CORO1C: variants seen among roughly 807,000 people sequenced by gnomAD.
CORO1C encodes coronin-1C.
A neutral mutation model predicts 51.2 loss-of-function variants in CORO1C; 14 were observed. That is an observed-to-expected ratio of 0.27 (90% CI 0.18 to 0.43). CORO1C has a LOEUF of 0.43. CORO1C is among the 20% of genes least tolerant of loss of function. The pLI, the probability that CORO1C is intolerant of heterozygous loss-of-function variation, is 1.00. For missense variants in CORO1C, 417 were observed against 607.8 expected (o/e 0.69, Z 3.30); for synonymous variants, 181 against 210.5 (o/e 0.86, Z 1.21).
intron 2 of CORO1C, among the ~76,000 whole-genome samples, chr12:108,694,042 C>G (rs530264264): frequency 3.9e-5 from 6 of 152,186 alleles, no homozygotes; most frequent in Non-Finnish European, 5.9e-5. Context: ...CGCCTGTAAT[C>G]CCACTTTGGG....
chr12:108,663,753 T>A (rs997039908), intron 3 of CORO1C, among the ~76,000 whole-genome samples: 2 of 152,246 alleles, frequency 1.3e-5, no homozygotes, highest in African/African-American at 2.4e-5. Context: ...AAATTTTCTA[T>A]AATTGTCTGT....
intron 1 of CORO1C, among the ~76,000 whole-genome samples, chr12:108,724,025 A>G (rs749892542): frequency 5.9e-5 from 9 of 152,246 alleles, no homozygotes; most frequent in African/African-American, 1.2e-4. Flanking sequence ...AATCAAGTTT[A>G]CCAAAGGTTT....
At chr12:108,680,503 T>C (rs1030027051) in intron 2 of CORO1C, among the ~76,000 whole-genome samples, 1 of 152,190 alleles carries the variant, frequency 6.6e-6, no homozygotes, top group African/African-American at 2.4e-5. Context: ...GTATAAATGG[T>C]TGAGAACCAG....
chr12:108,704,246 G>A (rs1192916717), intron 1 of CORO1C, among the ~76,000 whole-genome samples: 1 of 152,176 alleles, frequency 6.6e-6, no homozygotes, highest in Non-Finnish European at 1.5e-5. Context: ...GGGAAGCTGA[G>A]ACGGATCACG....
intron 4 of CORO1C, among the ~76,000 whole-genome samples, chr12:108,660,173 C>T (rs1435347244): frequency 1.3e-5 from 2 of 152,126 alleles, no homozygotes; most frequent in Non-Finnish European, 2.9e-5. Context: ...GGAAACTGGC[C>T]GGGCACGGTG....
intron 6 of CORO1C, among the ~76,000 whole-genome samples, chr12:108,656,853 T>C (rs900220186): frequency 2.0e-5 from 3 of 152,174 alleles, no homozygotes; most frequent in Non-Finnish European, 4.4e-5. Flanking sequence ...GAAGGCAGCA[T>C]GCTCGTTAAG....
At chr12:108,666,963 G>A (rs750135) in intron 3 of CORO1C, among the ~76,000 whole-genome samples, 73,733 of 151,758 alleles carry the variant, frequency 0.49, 18,309 homozygotes, top group South Asian at 0.69. Context: ...TAACAAAACT[G>A]CCACTCTCTG....
rs547112186 is a variant in CORO1C at position 108,710,306 on chromosome 12, A to G, written c.-5-8983T>C. 2.0e-5 allele frequency among the ~76,000 whole-genome samples: 3 copies of G among 152,326 alleles called. No homozygotes were observed. The South Asian group carries it at 6.2e-4, about 32-fold the overall frequency. On this transcript the variant is annotated intron_variant, in intron 1 of 10. Coordinates refer to ENST00000261401, the MANE Select transcript of CORO1C (RefSeq NM_014325.4). ...GTTTTCCAGGTGATACTGAAGGCCA[A>G]AAAGGAGGATTACGGGCTGCTCTGC...
At chr12:108,661,666 C>T (rs1228266802) in intron 4 of CORO1C, among the ~76,000 whole-genome samples, 1 of 152,144 alleles carries the variant, frequency 6.6e-6, no homozygotes, top group African/African-American at 2.4e-5. Context: ...CTGGCAGCAA[C>T]ACCACAGAGG....
intron 6 of CORO1C, among the ~76,000 whole-genome samples, chr12:108,656,874 G>A (rs534120350): frequency 5.9e-5 from 9 of 152,018 alleles, no homozygotes; most frequent in South Asian, 2.1e-4. Flanking sequence ...AGTCATCACC[G>A]CTCCCTAATC....
intron 10 of CORO1C, 44 bp from the exon 11 acceptor site, chr12:108,647,566 CA>C: frequency 6.9e-7 from 1 of 1,449,788 alleles, no homozygotes; most frequent in Non-Finnish European, 9.6e-7. Context: ...ATGCAGTAAA[CA>C]AAGTTCAACA....
At chr12:108,705,014 T>C (rs2034987474) in intron 1 of CORO1C, among the ~76,000 whole-genome samples, 1 of 152,198 alleles carries the variant, frequency 6.6e-6, no homozygotes, top group South Asian at 2.1e-4. Flanking sequence ...GTACCTTGTA[T>C]GGTTAAATAC....
intron 2 of CORO1C, among the ~76,000 whole-genome samples, chr12:108,682,077 T>C (rs2034143462): frequency 6.6e-6 from 1 of 151,142 alleles, no homozygotes; most frequent in South Asian, 2.1e-4. Flanking sequence ...TGTACTACAA[T>C]AGCTAGAATT....
intron 2 of CORO1C, among the ~76,000 whole-genome samples, chr12:108,687,590 G>A (rs2034341180): frequency 6.6e-6 from 1 of 152,004 alleles, no homozygotes; most frequent in South Asian, 2.1e-4. Flanking sequence ...TTCGAGACCA[G>A]CCTGGCCAAC....
intron 4 of CORO1C, 80 bp downstream of exon 4, chr12:108,661,949 C>T: frequency 6.5e-7 from 1 of 1,546,348 alleles, no homozygotes; most frequent in Admixed American, 1.7e-5. Flanking sequence ...TAGCACACAA[C>T]CAAAACACAT....
At chr12:108,650,942 A>G (rs1791715373) in intron 8 of CORO1C, among the ~76,000 whole-genome samples, 1 of 152,092 alleles carries the variant, frequency 6.6e-6, no homozygotes, top group Admixed American at 6.5e-5. Flanking sequence ...AAAAAATCAC[A>G]TAGAGAGTTT....
At chr12:108,651,118 AT>A (rs2032630621) in intron 8 of CORO1C, among the ~76,000 whole-genome samples, 1 of 152,186 alleles carries the variant, frequency 6.6e-6, no homozygotes, top group African/African-American at 2.4e-5. Flanking sequence ...CACATAGCAA[AT>A]TTTTTATTTT....
At chr12:108,709,794 T>TA (rs1364477807) in intron 1 of CORO1C, among the ~76,000 whole-genome samples, 3 of 152,120 alleles carry the variant, frequency 2.0e-5, no homozygotes, top group Non-Finnish European at 4.4e-5. Context: ...AAATACTAGG[T>TA]ATGATTTTAA....
At chr12:108,676,536 CTGAGGCGGGGGGATCACT>C (rs2033914759) in intron 3 of CORO1C, among the ~76,000 whole-genome samples, 1 of 152,020 alleles carries the variant, frequency 6.6e-6, no homozygotes, top group Admixed American at 6.6e-5. Context: ...CTTTGGGAGG[CTGAGGCGGGGGGATCACT>C]TGAGGTCAGG....
Sources: gnomAD v4.1 joint callset for allele counts (sites outside exome capture counted in the v4.1 genomes callset) on GRCh38, gnomAD v4.1.1 for gene constraint, MANE v1.5 for transcripts, NCBI Gene and HGNC (gene_info 2026-07-23, HGNC 2026-07-21) for gene names.